SLC23A2: variants seen among roughly 807,000 people sequenced by gnomAD.
SLC23A2 encodes Na(+)/L-ascorbic acid transporter 2.
A neutral mutation model predicts 73.3 loss-of-function variants in SLC23A2; 36 were observed. The observed-to-expected ratio is 0.49, with a 90% CI of 0.38 to 0.65. The LOEUF is 0.65. Among genes scored for constraint, SLC23A2 ranks in the 30% least tolerant of loss-of-function variants. SLC23A2 has a pLI of 0.00. For synonymous variants in SLC23A2, 343 were observed against 327.3 expected (o/e 1.05, Z -0.52); for missense variants, 507 against 841.6 (o/e 0.60, Z 4.92).
intron 7 of SLC23A2, 26 bp from the exon 8 acceptor site, chr20:4,884,849 T>C (rs1263936926): frequency 1.4e-6 from 2 of 1,419,936 alleles, no homozygotes; most frequent in African/African-American, 1.4e-5. Context: ...AAAGTTTTTC[T>C]TGGAGTGACA....
intron 2 of SLC23A2, among the ~76,000 whole-genome samples, chr20:4,968,476 C>T (rs2087509930): frequency 6.6e-6 from 1 of 152,110 alleles, no homozygotes; most frequent in Non-Finnish European, 1.5e-5. Flanking sequence ...GGAGAGCAGT[C>T]GTCCACCACA....
Position 4,859,410 on chromosome 20 carries a change from G to A in SLC23A2, c.1625-26C>T, listed in dbSNP as rs376686018. 1.1e-5 allele frequency: 16 copies of A among 1,482,796 alleles called. No homozygotes were observed. The Admixed American group carries it at 1.5e-4, about 14-fold the overall frequency. 91.9% of individuals were successfully genotyped at this position (1,482,796 alleles called of 1,614,324 possible). On this transcript the variant is annotated intron_variant, in intron 15 of 16. Transcript: ENST00000338244. ...CTAGAAAGAGAACACAGCCATAAAC[G>A]ATCAGTGCCACAGCAGCGGTGAGCC... is the stretch of plus-strand genomic sequence containing the variant.
chr20:4,950,911 G>A (rs1311625591), intron 2 of SLC23A2, among the ~76,000 whole-genome samples: 1 of 152,172 alleles, frequency 6.6e-6, no homozygotes, highest in Non-Finnish European at 1.5e-5. Flanking sequence ...CTCAGCAGTG[G>A]GATAAGAGGA....
chr20:4,882,339 C>A (rs1930921984), intron 9 of SLC23A2, among the ~76,000 whole-genome samples: 1 of 152,054 alleles, frequency 6.6e-6, no homozygotes, highest in South Asian at 2.1e-4. Flanking sequence ...CGCACCACTG[C>A]ACTCCAGCCT....
rs753527431 is a variant in SLC23A2, at chr20:4,899,908, T to C, written c.325-196A>G. On this transcript the variant is annotated intron_variant, in intron 5 of 16. Transcript: ENST00000338244. This position sits in a 1 kb window ranked among gnomAD's most constrained non-coding sequence, Gnocchi z 4.9. ...TGTTGTTAAGACAGTTTCACTCCCA[T>C]TGCCCTCGACGGAGTGCAATGGTGC... 2.0e-5 allele frequency among the ~76,000 whole-genome samples: 3 copies of C among 152,204 alleles called. No homozygotes were observed. The highest frequency in any genetic ancestry group is 4.4e-5 in the Non-Finnish European group (3 of 68,038).
Position 4,899,567 on chromosome 20 carries a change from G to A in SLC23A2, c.470C>T (p.Thr157Met), listed in dbSNP as rs377561504. The change falls in exon 6 of 17, where the codon ACG (threonine) becomes ATG (methionine). Residue 157 changes from threonine (T) to methionine (M), a missense_variant. Around this residue, in one of 5 missense-constraint regions of SLC23A2, gnomAD observed 217 missense variants for 398.0 expected, o/e 0.55. Transcript: ENST00000338244. The surrounding 1 kb of genome is among the most constrained non-coding windows in gnomAD (Gnocchi z 4.9). ...CVGITTLLQTTFGCRLPLFQA... is the reference protein window; with the variant it reads ...CVGITTLLQTMFGCRLPLFQA... Reference sequence around the variant, plus strand: ...ACCCCAATCTCACCTGCATCCAAACGTTGTCTGTAGCAAAGTAGTGATTCC... The same window carrying A: ...ACCCCAATCTCACCTGCATCCAAACATTGTCTGTAGCAAAGTAGTGATTCC... 9.3e-6 allele frequency: 15 copies of A among 1,613,964 alleles called. No homozygotes were observed. Among genetic ancestry groups the A allele is most frequent in the African/African-American group, 2.7e-5 (2 of 74,902 alleles).
At chr20:4,990,152 A>T (rs2087902187) in intron 1 of SLC23A2, among the ~76,000 whole-genome samples, 1 of 152,204 alleles carries the variant, frequency 6.6e-6, no homozygotes, top group South Asian at 2.1e-4. Flanking sequence ...AAGTGTGAGC[A>T]AGAAATAAAT....
rs1445787256 is a variant in SLC23A2 at position 4,998,472 on chromosome 20, A to G, written c.-282+2934T>C. Among the ~76,000 whole-genome samples the G allele has an allele frequency of 1.3e-5, 2 of 152,208 alleles. No homozygotes were observed. Among genetic ancestry groups the G allele is most frequent in the Non-Finnish European group, 2.9e-5 (2 of 68,050 alleles). On this transcript the variant is annotated intron_variant, in intron 1 of 16. Coordinates refer to ENST00000338244, the MANE Select transcript of SLC23A2 (RefSeq NM_005116.6). This position sits in a 1 kb window ranked among gnomAD's most constrained non-coding sequence, Gnocchi z 4.1. ...ACAGAGAAAATGAGAAGAACGGCAT[A>G]GCGCACAAAGGGCTCGTTTCAACCT...
chr20:4,969,656 C>G (rs1487604685), intron 2 of SLC23A2, among the ~76,000 whole-genome samples: 2 of 149,982 alleles, frequency 1.3e-5, no homozygotes, highest in African/African-American at 4.9e-5. Flanking sequence ...ACAATCAGAG[C>G]TCACTAAATC....
intron 3 of SLC23A2, among the ~76,000 whole-genome samples, chr20:4,913,223 A>G (rs1482222673): frequency 6.6e-6 from 1 of 152,206 alleles, no homozygotes; most frequent in African/African-American, 2.4e-5. Flanking sequence ...AGTTTGGCTC[A>G]GAGGCCCATG....
intron 9 of SLC23A2, among the ~76,000 whole-genome samples, chr20:4,880,785 G>A (rs753521564): frequency 1.2e-4 from 18 of 151,950 alleles, no homozygotes; most frequent in African/African-American, 2.4e-4. Flanking sequence ...GCCAAGAGAC[G>A]CAAGCAGACC....
At chr20:4,931,249 G>A (rs1008324001) in intron 3 of SLC23A2, among the ~76,000 whole-genome samples, 1 of 151,912 alleles carries the variant, frequency 6.6e-6, no homozygotes, top group Non-Finnish European at 1.5e-5. Flanking sequence ...GGAGGCTGTG[G>A]TGGGAGGACT....
chr20:4,973,686 C>A (rs1353278833), intron 1 of SLC23A2, among the ~76,000 whole-genome samples: 2 of 152,228 alleles, frequency 1.3e-5, no homozygotes, highest in African/African-American at 4.8e-5. Context: ...GTGGGTTCCA[C>A]CGCACTCTGG....
At chr20:4,939,904 G>A (rs556719994) in intron 2 of SLC23A2, among the ~76,000 whole-genome samples, 4 of 152,284 alleles carry the variant, frequency 2.6e-5, no homozygotes, top group South Asian at 2.1e-4. Context: ...GATACTCTTC[G>A]ATAGGAAAGG....
chr20:5,000,186 A>T (rs936121339), intron 1 of SLC23A2, among the ~76,000 whole-genome samples: 1 of 152,108 alleles, frequency 6.6e-6, no homozygotes, highest in African/African-American at 2.4e-5. Flanking sequence ...CCCTTTATAC[A>T]TCTCACCAGG....
intron 2 of SLC23A2, among the ~76,000 whole-genome samples, chr20:4,952,103 CAAAAAAAAAAAAA>C (rs57832305): frequency 4.9e-5 from 2 of 40,534 alleles, no homozygotes; most frequent in East Asian, 8.6e-4. Flanking sequence ...GACTCTGACT[CAAAAAAAAAAAAA>C]AAAAAAAAAA....
intron 6 of SLC23A2, among the ~76,000 whole-genome samples, chr20:4,894,846 T>C (rs959982765): frequency 6.6e-6 from 1 of 152,236 alleles, no homozygotes; most frequent in Non-Finnish European, 1.5e-5. Flanking sequence ...ATCATTTTTA[T>C]AGAATGAAAC....
intron 2 of SLC23A2, among the ~76,000 whole-genome samples, chr20:4,965,603 C>A (rs907690925): frequency 6.6e-6 from 1 of 151,996 alleles, no homozygotes; most frequent in African/African-American, 2.4e-5. Context: ...AAAACCCCGT[C>A]TCTACAAAAA....
chr20:4,873,781 G>A, intron 11 of SLC23A2, 155 bp downstream of exon 11: 2 of 641,384 alleles, frequency 3.1e-6, no homozygotes, highest in East Asian at 3.0e-5. Context: ...TCTGGGGACA[G>A]GGCCTCCCTT....
Sources: allele counts gnomAD v4.1 joint callset (sites outside exome capture counted in the v4.1 genomes callset), GRCh38; gene constraint gnomAD v4.1.1; regional missense constraint gnomAD v4.1.1; non-coding constraint Gnocchi (gnomAD v3.1); transcripts MANE v1.5; gene names NCBI Gene and HGNC (gene_info 2026-07-23, HGNC 2026-07-21).